Variants in ABCA1 observed in about 807,000 individuals in gnomAD.
ABCA1 encodes phospholipid-transporting ATPase ABCA1.
A neutral mutation model predicts 262.5 loss-of-function variants in ABCA1; 133 were observed. The observed-to-expected ratio is 0.51, with a 90% CI of 0.44 to 0.59. The LOEUF is 0.59. Among genes scored for constraint, ABCA1 ranks in the 20% least tolerant of loss-of-function variants. The probability of loss-of-function intolerance (pLI) is 0.00; values close to 1 mark genes in which losing one functional copy is unlikely to be tolerated. For synonymous variants in ABCA1, 1,022 were observed against 1,043.5 expected (o/e 0.98, Z 0.40); for missense variants, 2,452 against 2,777.5 (o/e 0.88, Z 2.63).
At chr9:104,877,820 A>G (rs905702581) in intron 5 of ABCA1, among the ~76,000 whole-genome samples, 3 of 152,244 alleles carry the variant, frequency 2.0e-5, no homozygotes, top group African/African-American at 7.2e-5. Context: ...AATGAATCTT[A>G]ATACAAAACC....
Position 104,827,062 on chromosome 9 carries a change from GGA to G in ABCA1, c.2221_2222del (p.Ser741GlnfsTer39). ...LQCFLISTLF[S>X]RANLAAACGG... ...CACAGGCTGCTGCCAGGTTGGCTCTGGAGAAGAGTGTGCTAATCAGGAAGCAC... is the reference window on the plus strand; with the variant it reads ...CACAGGCTGCTGCCAGGTTGGCTCTGGAAGAGTGTGCTAATCAGGAAGCAC... On this transcript the variant is annotated frameshift_variant, in exon 16 of 50. Transcript: ENST00000374736. LOFTEE classifies it high-confidence loss of function. 6.2e-7 allele frequency: 1 copy of G among 1,614,176 alleles called. No individual in the cohort carries two copies. The highest frequency in any genetic ancestry group is 1.7e-5 in the Admixed American group (1 of 60,016).
At chr9:104,879,889 TG>T (rs1692698473) in intron 5 of ABCA1, among the ~76,000 whole-genome samples, 1 of 151,644 alleles carries the variant, frequency 6.6e-6, no homozygotes, top group Admixed American at 6.6e-5. Context: ...GAGGCAGAAA[TG>T]GGGAGGAAAA....
chr9:104,897,961 T>G (rs1001650123), intron 2 of ABCA1, among the ~76,000 whole-genome samples: 25 of 152,156 alleles, frequency 1.6e-4, no homozygotes, highest in African/African-American at 6.0e-4. Flanking sequence ...CGCATACACC[T>G]CAGAATTGCT....
intron 49 of ABCA1, 96 bp downstream of exon 49, chr9:104,785,300 T>G: frequency 6.6e-7 from 1 of 1,515,172 alleles, no homozygotes; most frequent in Non-Finnish European, 9.1e-7. Context: ...CAAGCACCAA[T>G]TCAAGATACA....
intron 7 of ABCA1, among the ~76,000 whole-genome samples, chr9:104,849,219 A>T (rs1428677910): frequency 6.6e-6 from 1 of 152,228 alleles, no homozygotes; most frequent in East Asian, 1.9e-4. Flanking sequence ...GGCCTAAAGC[A>T]TGACTGTTTA....
intron 16 of ABCA1, among the ~76,000 whole-genome samples, chr9:104,826,148 CTT>C (rs1832792720): frequency 6.6e-6 from 1 of 152,092 alleles, no homozygotes; most frequent in Admixed American, 6.5e-5. Flanking sequence ...ACTTTTAAAA[CTT>C]TATGTTTCCA....
chr9:104,810,141 CATAT>C (rs35876406), intron 29 of ABCA1, among the ~76,000 whole-genome samples: 17,267 of 126,738 alleles, frequency 0.14, 1,329 homozygotes, highest in African/African-American at 0.23. Flanking sequence ...ATTCACATTA[CATAT>C]ATATATATAT....
chr9:104,805,933 T>C (rs1326443484), intron 31 of ABCA1, among the ~76,000 whole-genome samples: 5 of 152,040 alleles, frequency 3.3e-5, no homozygotes, highest in Non-Finnish European at 1.5e-5. Flanking sequence ...GGCGAAACCC[T>C]ATCTCTACTA....
At chr9:104,845,629 G>A (rs2119052850) in intron 7 of ABCA1, 60 bp from the exon 8 acceptor site, 3 of 1,184,118 alleles carry the variant, frequency 2.5e-6, no homozygotes. Flanking sequence ...ATCTCTATTG[G>A]AAATAAACAA....
At position 104,916,711 on chromosome 9, in the gene ABCA1, G is replaced by A. The variant is rs184549784; in HGVS notation, c.-93+11224C>T. On this transcript the variant is annotated intron_variant, in intron 1 of 49. Transcript: ENST00000374736. ...TTTTTGTTTCTTGACACAGAGTTTCGCTCTGTCACCCAGGCTGGAGGGCAG... is the reference window on the plus strand; with the variant it reads ...TTTTTGTTTCTTGACACAGAGTTTCACTCTGTCACCCAGGCTGGAGGGCAG... Among the ~76,000 whole-genome samples, 8 of 152,192 alleles carry A rather than the reference G, an allele frequency of 5.3e-5. No individual in the cohort carries two copies. In the East Asian group the frequency reaches 5.8e-4, roughly 11 times the overall value.
intron 17 of ABCA1, 126 bp downstream of exon 17, chr9:104,825,557 T>G: frequency 1.1e-6 from 1 of 908,036 alleles, no homozygotes. Flanking sequence ...TTGGACTATC[T>G]GTTTACTATA....
At chr9:104,835,565 CCTT>C (rs1833750644) in intron 11 of ABCA1, among the ~76,000 whole-genome samples, 1 of 152,146 alleles carries the variant, frequency 6.6e-6, no homozygotes, top group Non-Finnish European at 1.5e-5. Context: ...CTTGCCTCAT[CCTT>C]CTTCAATTCA....
intron 1 of ABCA1, among the ~76,000 whole-genome samples, chr9:104,923,617 T>G (rs993497964): frequency 4.6e-5 from 7 of 152,202 alleles, no homozygotes; most frequent in African/African-American, 1.7e-4. Flanking sequence ...GTGCTGGAGT[T>G]AAAGAACTCT....
At chr9:104,893,156 C>T (rs1356742509) in intron 2 of ABCA1, among the ~76,000 whole-genome samples, 2 of 152,092 alleles carry the variant, frequency 1.3e-5, no homozygotes, top group African/African-American at 2.4e-5. Flanking sequence ...GGCGTGGTGG[C>T]TCACACCTGT....
chr9:104,896,998 G>A lies in ABCA1; in HGVS notation c.66+6616C>T, dbSNP rs74491774. Among the ~76,000 whole-genome samples the A allele has an allele frequency of 5.7e-3, 872 of 151,772 alleles. 17 individuals carry two copies. In the East Asian group the frequency reaches 0.08, roughly 14 times the overall value. ...CCCCACCTCAGCCTCCCAAAGTGCT[G>A]GGAATACAGGCATGAGCCACCATAT... On this transcript the variant is annotated intron_variant, in intron 2 of 49. Coordinates refer to ENST00000374736, the MANE Select transcript of ABCA1 (RefSeq NM_005502.4).
chr9:104,902,732 G>A (rs1840765413), intron 2 of ABCA1, among the ~76,000 whole-genome samples: 1 of 152,148 alleles, frequency 6.6e-6, no homozygotes, highest in African/African-American at 2.4e-5. Flanking sequence ...ATTCTAGTTT[G>A]AGGAAAACTG....
At chr9:104,800,049 G>C (rs938235976) in intron 35 of ABCA1, 61 bp from the exon 36 acceptor site, 1 of 1,585,234 alleles carries the variant, frequency 6.3e-7, no homozygotes. Context: ...GCAGGCAGGT[G>C]CATACCCACC....
intron 16 of ABCA1, 119 bp from the exon 17 acceptor site, chr9:104,826,006 G>A: frequency 1.0e-6 from 1 of 993,670 alleles, no homozygotes; most frequent in Non-Finnish European, 1.6e-6. Context: ...ATCATAAGGT[G>A]CAGAAGTAGT....
In ABCA1 at chr9:104,821,386, C is replaced by T. The variant is rs1832332140; in HGVS notation, c.2949G>A (p.Val983=). ...QNLGVCPQHN[V]LFDMLTVEEH... ...CTGCTGGTACTCACATGTCAAACAG[C>T]ACGTTATGCTGGGGACAGACCCCCA... Residue 983 remains valine (V), a synonymous_variant, in exon 20 of 50, where the codon GTG becomes GTA. Transcript: ENST00000374736. 6.2e-7 allele frequency: 1 copy of T among 1,614,128 alleles called. No individual in the cohort carries two copies.
Sources: allele counts gnomAD v4.1 joint callset (sites outside exome capture counted in the v4.1 genomes callset), GRCh38; gene constraint gnomAD v4.1.1; transcripts MANE v1.5; gene names NCBI Gene and HGNC (gene_info 2026-07-23, HGNC 2026-07-21).